MCC: variants seen among roughly 807,000 people sequenced by gnomAD.
MCC encodes the protein colorectal mutant cancer protein.
MCC carries 90 observed loss-of-function variants against 116.2 expected under a neutral mutation model. That is an observed-to-expected ratio of 0.77 (90% CI 0.65 to 0.92). The LOEUF is 0.92. MCC is among the 40% of genes least tolerant of loss of function. The pLI is 0.00. For synonymous variants in MCC, 578 were observed against 510.5 expected (o/e 1.13, Z -1.78); for missense variants, 1,516 against 1,312.2 (o/e 1.16, Z -2.40).
intron 14 of MCC, among the ~76,000 whole-genome samples, chr5:113,061,760 ACT>A (rs1002345640): frequency 9.2e-5 from 14 of 152,078 alleles, no homozygotes; most frequent in African/African-American, 3.1e-4. Context: ...GTTGATGGAC[ACT>A]CTGATTAGAC....
chr5:113,179,204 G>A (rs1165691346), intron 3 of MCC, among the ~76,000 whole-genome samples: 1 of 152,090 alleles, frequency 6.6e-6, no homozygotes, highest in Non-Finnish European at 1.5e-5. Flanking sequence ...TGTCCATATA[G>A]CACCATTAAT....
intron 3 of MCC, among the ~76,000 whole-genome samples, chr5:113,288,686 T>C (rs1452259618): frequency 2.0e-5 from 3 of 152,204 alleles, no homozygotes; most frequent in Non-Finnish European, 4.4e-5. Flanking sequence ...ACTCCCTCCT[T>C]GGAACATGTG....
rs114038987 is a variant in MCC at position 113,190,020 on chromosome 5, C to T, written c.628-38598G>A. Reference sequence around the variant, plus strand: ...CCTGTGTCCGCCTGAAGTACCCAGCCTCAGTCTCAGCCTAGCCACCTGCAG... The same window carrying T: ...CCTGTGTCCGCCTGAAGTACCCAGCTTCAGTCTCAGCCTAGCCACCTGCAG... On this transcript the variant is annotated intron_variant, in intron 3 of 18. Coordinates refer to ENST00000408903, the MANE Select transcript of MCC (RefSeq NM_001085377.2). Among the ~76,000 whole-genome samples the T allele has an allele frequency of 7.0e-3, 1,063 of 152,348 alleles. 8 individuals carry two copies. Among genetic ancestry groups the T allele is most frequent in the Non-Finnish European group, 0.012 (819 of 68,028 alleles).
At chr5:113,378,720 C>A (rs1581439173) in intron 2 of MCC, among the ~76,000 whole-genome samples, 1 of 152,302 alleles carries the variant, frequency 6.6e-6, no homozygotes, top group Middle Eastern at 3.4e-3. Context: ...TGAAGCACTG[C>A]CCCTTTCACA....
intron 14 of MCC, among the ~76,000 whole-genome samples, chr5:113,058,120 C>A (rs1031862560): frequency 6.6e-6 from 1 of 152,158 alleles, no homozygotes; most frequent in African/African-American, 2.4e-5. Flanking sequence ...GTCTACCACC[C>A]ACAAGACACT....
intron 3 of MCC, among the ~76,000 whole-genome samples, chr5:113,333,820 C>CGT (rs1767769784): frequency 1.2e-5 from 1 of 85,584 alleles, no homozygotes; most frequent in Non-Finnish European, 2.3e-5. Flanking sequence ...TATATATGTA[C>CGT]ATATATGTAT....
At chr5:113,145,663 C>T (rs1759450785) in intron 4 of MCC, among the ~76,000 whole-genome samples, 1 of 152,062 alleles carries the variant, frequency 6.6e-6, no homozygotes, top group African/African-American at 2.4e-5. Context: ...AGATGTAATC[C>T]TGGCCAACCA....
chr5:113,245,107 T>C (rs1219578417), intron 3 of MCC, among the ~76,000 whole-genome samples: 1 of 151,886 alleles, frequency 6.6e-6, no homozygotes, highest in East Asian at 1.9e-4. Flanking sequence ...GCCCGACCAA[T>C]ATGATGAAAC....
chr5:113,064,023 A>T lies in MCC; in HGVS notation c.2174T>A (p.Val725Glu), dbSNP rs891659743. Reference protein sequence around the residue: ...GGAFAVAGCSVQPWESLSSNS... With the variant: ...GGAFAVAGCSEQPWESLSSNS... ...GGAGGAAAGGCTCTCCCAGGGCTGC[A>T]CGCTGCAGCCGGCCACGGCAAAGGC... is the stretch of plus-strand genomic sequence containing the variant. The change falls in exon 14 of 19, where the codon GTG becomes GAG. Residue 725 changes from valine (V) to glutamate (E), a missense_variant. Coordinates refer to ENST00000408903, the MANE Select transcript of MCC (RefSeq NM_001085377.2). 6.2e-7 allele frequency: 1 copy of T among 1,613,928 alleles called. No homozygotes were observed. The highest frequency in any genetic ancestry group is 1.7e-5 in the Admixed American group (1 of 60,022).
At chr5:113,304,374 C>T (rs1309392597) in intron 3 of MCC, among the ~76,000 whole-genome samples, 2 of 152,206 alleles carry the variant, frequency 1.3e-5, no homozygotes, top group East Asian at 3.8e-4. Flanking sequence ...CAACCTTCTC[C>T]AACTGCAAAT....
chr5:113,228,427 C>T (rs1038680722), intron 3 of MCC, among the ~76,000 whole-genome samples: 3 of 152,274 alleles, frequency 2.0e-5, no homozygotes, highest in Non-Finnish European at 4.4e-5. Flanking sequence ...AAGCTCCAAA[C>T]GGCCTCAATG....
chr5:113,244,197 C>T (rs77149885), intron 3 of MCC, among the ~76,000 whole-genome samples: 3,178 of 152,302 alleles, frequency 0.021, 36 homozygotes, highest in Middle Eastern at 0.027. Context: ...CCCCAAATAG[C>T]ATATGTAATG....
rs557171691 is a variant in MCC, at chr5:113,202,657, T to A, written c.628-51235A>T. 4.9e-4 allele frequency among the ~76,000 whole-genome samples: 74 copies of A among 152,132 alleles called. 1 individual carries two copies. The highest frequency in any genetic ancestry group is 4.1e-3 in the Admixed American group (63 of 15,266). ...GAAAAAACTTAAGTCAAACAACACA[T>A]AATTAGCCTCTGCTTGCAGAGATGA... On this transcript the variant is annotated intron_variant, in intron 3 of 18. Transcript: ENST00000408903.
chr5:113,056,298 T>C (rs1184494831), intron 14 of MCC, among the ~76,000 whole-genome samples: 1 of 152,132 alleles, frequency 6.6e-6, no homozygotes, highest in African/African-American at 2.4e-5. Flanking sequence ...GAAGTGTTTG[T>C]AATAGCAAAG....
In MCC at chr5:113,064,165, C is replaced by A; in HGVS notation, c.2032G>T (p.Asp678Tyr). The change falls in exon 14 of 19, where the codon GAC (aspartate) becomes TAC (tyrosine). Residue 678 changes from aspartate (D) to tyrosine (Y), a missense_variant and splice_region_variant. Asp to Tyr is a radical substitution (Grantham distance 160). Coordinates refer to ENST00000408903, the MANE Select transcript of MCC (RefSeq NM_001085377.2). ...GTGATGTTTTCATCCCCCGACTGGTCTCCTATGTGGCAGAGAAGCCAACGG... is the reference window on the plus strand; with the variant it reads ...GTGATGTTTTCATCCCCCGACTGGTATCCTATGTGGCAGAGAAGCCAACGG... Reference protein sequence around the residue: ...RAAGVGSSPGDQSGDENITQM... With the variant: ...RAAGVGSSPGYQSGDENITQM... 2 of 1,608,898 alleles carry A rather than the reference C, an allele frequency of 1.2e-6. No homozygotes were observed. Among genetic ancestry groups the A allele is most frequent in the East Asian group, 2.2e-5 (1 of 44,786 alleles).
chr5:113,358,522 A>G (rs973095850), intron 2 of MCC, among the ~76,000 whole-genome samples: 17 of 152,190 alleles, frequency 1.1e-4, no homozygotes, highest in African/African-American at 4.1e-4. Context: ...TGAGACCTGT[A>G]TTAACAGTAT....
At chr5:113,140,947 G>C (rs1479050691) in intron 5 of MCC, among the ~76,000 whole-genome samples, 2 of 152,196 alleles carry the variant, frequency 1.3e-5, no homozygotes, top group Non-Finnish European at 2.9e-5. Flanking sequence ...AGGAATATCT[G>C]AGAGAAATGT....
chr5:113,407,923 C>A (rs1769882262), intron 1 of MCC, among the ~76,000 whole-genome samples: 1 of 152,148 alleles, frequency 6.6e-6, no homozygotes, highest in Non-Finnish European at 1.5e-5. Flanking sequence ...GAAATGAAAA[C>A]TTAGCCCAGA....
chr5:113,106,936 C>T lies in MCC; in HGVS notation c.1028-2581G>A, dbSNP rs145106226. Among the ~76,000 whole-genome samples, 261 of 152,316 alleles carry T rather than the reference C, an allele frequency of 1.7e-3. 3 individuals carry two copies. The highest frequency in any genetic ancestry group is 5.7e-3 in the African/African-American group (237 of 41,570). The stretch of plus-strand genomic sequence containing the variant: ...TCCCTATCTAAAGCATGGAGTTTCA[C>T]CTCCTCCCTTACCCATTCCCTATCT... On this transcript the variant is annotated intron_variant, in intron 6 of 18. Transcript: ENST00000408903.
Sources: gnomAD v4.1 joint callset for allele counts (sites outside exome capture counted in the v4.1 genomes callset) on GRCh38, gnomAD v4.1.1 for gene constraint, MANE v1.5 for transcripts, NCBI Gene and HGNC (gene_info 2026-07-23, HGNC 2026-07-21) for gene names.